Variants in CSMD1 observed in about 807,000 individuals in gnomAD.
The protein encoded by CSMD1 is CUB and sushi domain-containing protein 1.
In CSMD1, 213 loss-of-function variants were observed where a neutral mutation model predicts 417.5. The ratio of observed to expected loss-of-function variants is 0.51; its 90% confidence interval spans 0.46 to 0.57. The LOEUF (loss-of-function observed/expected upper bound fraction) is 0.57. Ranked by LOEUF, CSMD1 falls within the 20% of genes least tolerant of loss-of-function variation. CSMD1 has a pLI of 0.00. For missense variants in CSMD1, 6,923 were observed against 4,529.7 expected (o/e 1.53, Z -15.17); for synonymous variants, 2,862 against 1,736.8 (o/e 1.65, Z -16.11).
intron 3 of CSMD1, among the ~76,000 whole-genome samples, chr8:4,398,378 G>A (rs1232228449): frequency 6.9e-6 from 1 of 144,238 alleles, no homozygotes; most frequent in Middle Eastern, 3.6e-3. Context: ...AAATTGTCTT[G>A]CTGCAACTTC....
At chr8:4,160,265 A>T (rs1173166235) in intron 3 of CSMD1, among the ~76,000 whole-genome samples, 1 of 152,108 alleles carries the variant, frequency 6.6e-6, no homozygotes, top group Admixed American at 6.6e-5. Flanking sequence ...AACACAAAAC[A>T]TTCTGATTCT....
At chr8:3,944,858 C>G (rs1049404783) in intron 5 of CSMD1, among the ~76,000 whole-genome samples, 3 of 152,190 alleles carry the variant, frequency 2.0e-5, no homozygotes, top group Non-Finnish European at 4.4e-5. Flanking sequence ...TTGGCCACAG[C>G]TCTGACAGTT....
rs570118452 is a variant in CSMD1 at position 4,372,081 on chromosome 8, A to G, written c.415+47872T>C. Among the ~76,000 whole-genome samples, 14 of 152,356 alleles carry G rather than the reference A, an allele frequency of 9.2e-5. 1 individual carries two copies. The South Asian group carries it at 2.9e-3, about 32-fold the overall frequency. The stretch of plus-strand genomic sequence containing the variant: ...CATGGCAGTAGGTGGCTGAGGTGGA[A>G]GAAAAGCCCTTTCTATCTCAGTGCA... On this transcript the variant is annotated intron_variant, in intron 3 of 69. Transcript: ENST00000635120.
chr8:3,288,982 C>G (rs1268358843), intron 25 of CSMD1, among the ~76,000 whole-genome samples: 5 of 144,468 alleles, frequency 3.5e-5, no homozygotes, highest in African/African-American at 5.8e-5. Context: ...CCCACTCCCC[C>G]TACCCCACAA....
At chr8:3,529,942 T>C (rs1294973990) in intron 10 of CSMD1, among the ~76,000 whole-genome samples, 2 of 152,178 alleles carry the variant, frequency 1.3e-5, no homozygotes, top group African/African-American at 4.8e-5. Flanking sequence ...TGTAAATATA[T>C]ACACAATAAA....
At chr8:3,767,108 G>T (rs1012055912) in intron 5 of CSMD1, among the ~76,000 whole-genome samples, 3 of 152,228 alleles carry the variant, frequency 2.0e-5, no homozygotes, top group African/African-American at 7.2e-5. Flanking sequence ...CTCAAGTACA[G>T]TAGCCGTGGG....
chr8:4,653,264 G>A (rs1204600075), intron 1 of CSMD1, among the ~76,000 whole-genome samples: 3 of 152,092 alleles, frequency 2.0e-5, no homozygotes, highest in Admixed American at 6.5e-5. Context: ...GGAGTGATTG[G>A]ATCCACAGAC....
intron 3 of CSMD1, among the ~76,000 whole-genome samples, chr8:4,334,154 G>A (rs185398628): frequency 6.6e-6 from 1 of 152,108 alleles, no homozygotes; most frequent in East Asian, 1.9e-4. Flanking sequence ...ATATCCTCTG[G>A]CCTCAGCTTC....
At chr8:3,641,024 C>CTTTTTTTTTTTTTT (rs34851559) in intron 7 of CSMD1, among the ~76,000 whole-genome samples, 9 of 102,718 alleles carry the variant, frequency 8.8e-5, no homozygotes, top group Non-Finnish European at 1.1e-4. Context: ...TCCTTTTTTC[C>CTTTTTTTTTTTTTT]TTTTTTTTTT....
chr8:4,819,314 G>A (rs1284909516), intron 1 of CSMD1, among the ~76,000 whole-genome samples: 1 of 152,194 alleles, frequency 6.6e-6, no homozygotes, highest in African/African-American at 2.4e-5. Flanking sequence ...AATTGTATTA[G>A]ACAACATAGC....
At chr8:3,398,656 A>G (rs1415324119) in intron 16 of CSMD1, among the ~76,000 whole-genome samples, 2 of 152,146 alleles carry the variant, frequency 1.3e-5, no homozygotes, top group African/African-American at 2.4e-5. Flanking sequence ...GCAGAGAATA[A>G]CCTTGAAACT....
chr8:4,372,142 G>A (rs557348918), intron 3 of CSMD1, among the ~76,000 whole-genome samples: 8 of 152,290 alleles, frequency 5.3e-5, no homozygotes, highest in South Asian at 2.1e-4. Context: ...TTTTCTATGT[G>A]CATTTCTCTA....
chr8:4,736,880 G>A (rs909439417), intron 1 of CSMD1, among the ~76,000 whole-genome samples: 21 of 152,184 alleles, frequency 1.4e-4, no homozygotes, highest in African/African-American at 3.6e-4. Flanking sequence ...GTATGTAAGC[G>A]TTCAGTAAAT....
chr8:4,962,715 T>C (rs931575957), intron 1 of CSMD1, among the ~76,000 whole-genome samples: 1 of 152,126 alleles, frequency 6.6e-6, no homozygotes, highest in Non-Finnish European at 1.5e-5. Context: ...GATTGATGGA[T>C]GGGCAAGAAC....
rs547395520 is a variant in CSMD1, at chr8:4,643,484, C to T, written c.86-5926G>A. On this transcript the variant is annotated intron_variant, in intron 1 of 69. Transcript: ENST00000635120. ...TAAACATTGCCTTACTCCTACTGGA[C>T]GTAGCTATCAAGCAACTCTCAAGTA... Among the ~76,000 whole-genome samples, 43 of 151,912 alleles carry T rather than the reference C, an allele frequency of 2.8e-4. No individual in the cohort carries two copies. In the South Asian group the frequency reaches 7.5e-3, roughly 26 times the overall value.
At chr8:4,126,931 G>A (rs78312063) in intron 3 of CSMD1, among the ~76,000 whole-genome samples, 5,705 of 152,034 alleles carry the variant, frequency 0.038, 375 homozygotes, top group African/African-American at 0.13. Context: ...CACAGACTCT[G>A]CTGGAAGAGA....
chr8:3,947,048 C>G (rs1003730064), intron 5 of CSMD1, among the ~76,000 whole-genome samples: 1 of 152,116 alleles, frequency 6.6e-6, no homozygotes, highest in African/African-American at 2.4e-5. Flanking sequence ...ATGGCACTTG[C>G]TTGGTAACTT....
At chr8:3,666,124 G>A (rs1050757735) in intron 7 of CSMD1, among the ~76,000 whole-genome samples, 16 of 152,174 alleles carry the variant, frequency 1.1e-4, no homozygotes, top group Non-Finnish European at 2.4e-4. Flanking sequence ...TTGAACTTCT[G>A]ACCTCAAGTG....
At chr8:3,393,329 C>A (rs1222541593) in intron 17 of CSMD1, among the ~76,000 whole-genome samples, 1 of 152,150 alleles carries the variant, frequency 6.6e-6, no homozygotes, top group African/African-American at 2.4e-5. Context: ...ATACAGCTAC[C>A]TCCTGAGACT....
Sources: gnomAD v4.1 joint callset for allele counts (sites outside exome capture counted in the v4.1 genomes callset) on GRCh38, gnomAD v4.1.1 for gene constraint, MANE v1.5 for transcripts, NCBI Gene and HGNC (gene_info 2026-07-23, HGNC 2026-07-21) for gene names.